The following CACNA2D1 variants were observed in gnomAD, a reference collection of about 807,000 sequenced individuals.
CACNA2D1 encodes voltage-dependent calcium channel subunit alpha-2/delta-1.
Under a neutral mutation model 171.5 loss-of-function variants are expected in CACNA2D1, and 53 were observed. The ratio of observed to expected loss-of-function variants is 0.31; its 90% CI spans 0.25 to 0.39. CACNA2D1 has a LOEUF of 0.39. Among genes scored for constraint, CACNA2D1 ranks in the 10% least tolerant of loss-of-function variants. The probability of loss-of-function intolerance (pLI) is 1.00; values close to 1 mark genes in which losing one functional copy is unlikely to be tolerated. For synonymous variants in CACNA2D1, 442 were observed against 443.1 expected, an observed-to-expected ratio of 1.00 and a Z score of 0.03; for missense variants, 903 against 1,299.8, an observed-to-expected ratio of 0.69 and a Z score of 4.69.
intron 7 of CACNA2D1, among the ~76,000 whole-genome samples, chr7:82,069,049 C>A (rs929336705): frequency 5.9e-5 from 9 of 151,820 alleles, no homozygotes; most frequent in Admixed American, 3.3e-4. Flanking sequence ...AGGTAGTATC[C>A]CTTGATTAAA....
At chr7:82,060,167 T>TATATATA (rs1554381643) in intron 10 of CACNA2D1, among the ~76,000 whole-genome samples, 11 of 12,634 alleles carry the variant, frequency 8.7e-4, no homozygotes, top group African/African-American at 1.4e-3. Context: ...ATATATATAA[T>TATATATA]ATATATATAT....
chr7:82,005,275 G>A (rs180770380), intron 18 of CACNA2D1, 148 bp downstream of exon 18: 25 of 659,020 alleles, frequency 3.8e-5, no homozygotes, highest in Admixed American at 1.5e-4. Flanking sequence ...ATCATGTGTG[G>A]TCCTTGTCAT....
At chr7:82,115,724 C>A (rs1403844777) in intron 6 of CACNA2D1, among the ~76,000 whole-genome samples, 1 of 150,202 alleles carries the variant, frequency 6.7e-6, no homozygotes, top group African/African-American at 2.5e-5. Flanking sequence ...GTTTTTAAAA[C>A]CAATAATCTC....
chr7:82,190,397 T>G (rs1798171107), intron 3 of CACNA2D1, among the ~76,000 whole-genome samples: 2 of 151,838 alleles, frequency 1.3e-5, no homozygotes, highest in Non-Finnish European at 3.0e-5. Context: ...GATTAATTAC[T>G]AAAAGACAAT....
At chr7:82,009,414 T>C (rs1799489078) in intron 15 of CACNA2D1, among the ~76,000 whole-genome samples, 1 of 152,156 alleles carries the variant, frequency 6.6e-6, no homozygotes, top group South Asian at 2.1e-4. Flanking sequence ...TCCTTAATTA[T>C]ATAAATTAAT....
chr7:82,204,951 T>C (rs1799860320), intron 3 of CACNA2D1, among the ~76,000 whole-genome samples: 1 of 152,186 alleles, frequency 6.6e-6, no homozygotes, highest in South Asian at 2.1e-4. Flanking sequence ...CCACGTGAGG[T>C]GCATTAGGTG....
chr7:81,959,919 G>GACAAAATATGACATCTGAAACAGAAACCA, intron 36 of CACNA2D1, 90 bp from the exon 37 acceptor site: 6 of 1,511,860 alleles, frequency 4.0e-6, no homozygotes, highest in Non-Finnish European at 5.3e-6. Context: ...TAAAATGAAA[G>GACAAAATATGACATCTGAAACAGAAACCA]ACAAAATATG....
intron 4 of CACNA2D1, among the ~76,000 whole-genome samples, chr7:82,164,789 T>C (rs1795269109): frequency 6.6e-6 from 1 of 151,404 alleles, no homozygotes; most frequent in Admixed American, 6.6e-5. Flanking sequence ...AAATGAAAAT[T>C]GCAGTAATTT....
intron 6 of CACNA2D1, among the ~76,000 whole-genome samples, chr7:82,102,600 A>C (rs1812808625): frequency 6.6e-6 from 1 of 152,076 alleles, no homozygotes; most frequent in African/African-American, 2.4e-5. Flanking sequence ...TGCTGGTGGA[A>C]TTCAGGTGTG....
chr7:82,400,910 C>T (rs1260340300), intron 1 of CACNA2D1, among the ~76,000 whole-genome samples: 1 of 152,072 alleles, frequency 6.6e-6, no homozygotes, highest in African/African-American at 2.4e-5. Flanking sequence ...TGAACAGACA[C>T]TTCTCAAAAG....
At chr7:82,087,170 T>C (rs781016924) in intron 6 of CACNA2D1, among the ~76,000 whole-genome samples, 8 of 152,144 alleles carry the variant, frequency 5.3e-5, no homozygotes, top group Non-Finnish European at 8.8e-5. Flanking sequence ...ATATACCCAA[T>C]GTGTAGTAAG....
chr7:82,155,638 A>G (rs1794302931), intron 4 of CACNA2D1, among the ~76,000 whole-genome samples: 1 of 152,148 alleles, frequency 6.6e-6, no homozygotes, highest in African/African-American at 2.4e-5. Context: ...CTATTAGCAA[A>G]CAGAAAATTG....
At chr7:81,991,436 T>C (rs905614334) in intron 20 of CACNA2D1, among the ~76,000 whole-genome samples, 190 bp from the exon 21 acceptor site, 2 of 152,166 alleles carry the variant, frequency 1.3e-5, no homozygotes, top group African/African-American at 4.8e-5. Flanking sequence ...CAGAAACAAA[T>C]GTAAGTGAAA....
At chr7:81,960,308 G>C (rs1793953674) in intron 36 of CACNA2D1, among the ~76,000 whole-genome samples, 1 of 152,064 alleles carries the variant, frequency 6.6e-6, no homozygotes, top group South Asian at 2.1e-4. Context: ...TGTTCGCACT[G>C]TCCAATATGG....
intron 3 of CACNA2D1, among the ~76,000 whole-genome samples, chr7:82,231,202 A>G (rs963171007): frequency 1.3e-5 from 2 of 152,236 alleles, no homozygotes; most frequent in Admixed American, 1.3e-4. Flanking sequence ...GGCTTGAACC[A>G]AAAGAGAAAA....
At chr7:82,206,545 A>G (rs1800020173) in intron 3 of CACNA2D1, among the ~76,000 whole-genome samples, 1 of 152,158 alleles carries the variant, frequency 6.6e-6, no homozygotes, top group African/African-American at 2.4e-5. Context: ...GCACTCAGAT[A>G]AAATATTAAA....
At chr7:82,128,614 T>C (rs1790606917) in intron 5 of CACNA2D1, among the ~76,000 whole-genome samples, 1 of 152,112 alleles carries the variant, frequency 6.6e-6, no homozygotes, top group Non-Finnish European at 1.5e-5. Flanking sequence ...AATCAATAGA[T>C]TACACTCGAA....
At chr7:82,303,094 T>G (rs34434397) in intron 3 of CACNA2D1, among the ~76,000 whole-genome samples, 5 of 152,056 alleles carry the variant, frequency 3.3e-5, no homozygotes, top group East Asian at 1.9e-4. Context: ...CCTGGGTTCA[T>G]GCCATTCTCC....
intron 5 of CACNA2D1, among the ~76,000 whole-genome samples, chr7:82,134,060 G>A (rs997826630): frequency 6.6e-6 from 1 of 151,646 alleles, no homozygotes; most frequent in African/African-American, 2.4e-5. Flanking sequence ...GCGACAGAGC[G>A]AGAGTCTGTC....
Sources: allele counts gnomAD v4.1 joint callset (sites outside exome capture counted in the v4.1 genomes callset), GRCh38; gene constraint gnomAD v4.1.1; transcripts MANE v1.5; gene names NCBI Gene and HGNC (gene_info 2026-07-23, HGNC 2026-07-21).